STAG1: variants seen among roughly 807,000 people sequenced by gnomAD.
STAG1 encodes the protein STAG1 cohesin complex component.
STAG1 carries 26 observed loss-of-function variants against 170.9 expected under a neutral mutation model. The observed-to-expected ratio is 0.15, with a 90% CI of 0.11 to 0.21. STAG1 has a LOEUF of 0.21. STAG1 is among the 10% of genes least tolerant of loss of function. STAG1 has a pLI of 1.00. For missense variants in STAG1, 964 were observed against 1,509.5 expected, an observed-to-expected ratio of 0.64 and a Z score of 5.99; for synonymous variants, 514 against 497.7, an observed-to-expected ratio of 1.03 and a Z score of -0.44.
At chr3:136,435,156 C>T (rs1327955985) in intron 15 of STAG1, among the ~76,000 whole-genome samples, 1 of 152,182 alleles carries the variant, frequency 6.6e-6, no homozygotes, top group Non-Finnish European at 1.5e-5. Flanking sequence ...TTTCCCTTAT[C>T]TAGCCCTTTT....
intron 28 of STAG1, among the ~76,000 whole-genome samples, chr3:136,354,605 A>G (rs1936559445): frequency 6.6e-6 from 1 of 152,110 alleles, no homozygotes; most frequent in South Asian, 2.1e-4. Context: ...CTCGGCCAGT[A>G]AATTTTGATA....
intron 5 of STAG1, among the ~76,000 whole-genome samples, chr3:136,559,970 C>T (rs924892607): frequency 6.6e-6 from 1 of 152,028 alleles, no homozygotes; most frequent in Admixed American, 6.6e-5. Context: ...GTTGTGAGGA[C>T]CTAAATAAAT....
intron 23 of STAG1, 38 bp downstream of exon 23, chr3:136,377,622 G>A (rs1304393026): frequency 6.5e-7 from 1 of 1,529,660 alleles, no homozygotes; most frequent in African/African-American, 1.4e-5. Context: ...ATGTATTTGA[G>A]TTGATTTTAT....
At position 136,479,657 on chromosome 3, in the gene STAG1, A is replaced by T. The variant is rs1314777337; in HGVS notation, c.903-2245T>A. ...AGATCCCTGAGGAATCGCCACACTGACTTCCACAATGGTTGAACTAGTTTA... is the reference window on the plus strand; with the variant it reads ...AGATCCCTGAGGAATCGCCACACTGTCTTCCACAATGGTTGAACTAGTTTA... On this transcript the variant is annotated intron_variant, in intron 9 of 33. Transcript: ENST00000383202. 4.2e-5 allele frequency among the ~76,000 whole-genome samples: 2 copies of T among 48,046 alleles called. 1 individual carries two copies. The highest frequency in any genetic ancestry group is 1.3e-4 in the African/African-American group (2 of 15,034). 31.5% of individuals were successfully genotyped at this position (48,046 alleles called of 152,430 possible).
chr3:136,510,300 T>G (rs911125374), intron 7 of STAG1, among the ~76,000 whole-genome samples: 1 of 152,212 alleles, frequency 6.6e-6, no homozygotes, highest in Non-Finnish European at 1.5e-5. Flanking sequence ...TTATTTTTCT[T>G]ATTTTTTGAG....
intron 1 of STAG1, among the ~76,000 whole-genome samples, chr3:136,715,624 A>AC (rs1943520406): frequency 1.3e-5 from 2 of 152,106 alleles, no homozygotes; most frequent in Non-Finnish European, 2.9e-5. Context: ...ATTTCAAAAA[A>AC]GAAAAAAATT....
intron 22 of STAG1, among the ~76,000 whole-genome samples, chr3:136,385,033 A>T (rs887646662): frequency 6.6e-6 from 1 of 152,212 alleles, no homozygotes; most frequent in Non-Finnish European, 1.5e-5. Flanking sequence ...AATCTATGCT[A>T]CTTTATCTAC....
intron 2 of STAG1, among the ~76,000 whole-genome samples, chr3:136,628,274 A>G (rs1472819108): frequency 6.6e-6 from 1 of 152,178 alleles, no homozygotes; most frequent in Non-Finnish European, 1.5e-5. Context: ...CCATGAGTCA[A>G]CTAAATCTCT....
At chr3:136,735,650 T>C (rs910715187) in intron 1 of STAG1, among the ~76,000 whole-genome samples, 56 of 151,976 alleles carry the variant, frequency 3.7e-4, no homozygotes, top group Non-Finnish European at 1.3e-4. Flanking sequence ...TTCACTTTTG[T>C]CTTCCAGACT....
At chr3:136,593,440 T>G (rs1024863489) in intron 4 of STAG1, among the ~76,000 whole-genome samples, 1 of 152,126 alleles carries the variant, frequency 6.6e-6, no homozygotes, top group African/African-American at 2.4e-5. Flanking sequence ...AGACCTAGAG[T>G]TGGCTGCCTC....
At chr3:136,671,640 T>C (rs536238674) in intron 1 of STAG1, among the ~76,000 whole-genome samples, 2 of 152,306 alleles carry the variant, frequency 1.3e-5, no homozygotes, top group South Asian at 2.1e-4. Flanking sequence ...CACACACCTG[T>C]AATCCCAGCA....
intron 1 of STAG1, among the ~76,000 whole-genome samples, chr3:136,733,698 C>A (rs73863952): frequency 0.095 from 14,420 of 152,194 alleles, 2,218 homozygotes; most frequent in African/African-American, 0.33. Flanking sequence ...CTGTAACTAG[C>A]AGCACATGGC....
intron 1 of STAG1, among the ~76,000 whole-genome samples, chr3:136,695,725 A>G (rs1942866133): frequency 6.6e-6 from 1 of 152,180 alleles, no homozygotes; most frequent in South Asian, 2.1e-4. Flanking sequence ...GAGGAAAAAG[A>G]TCCCTCAAAA....
chr3:136,525,539 A>C (rs969527283), intron 6 of STAG1, among the ~76,000 whole-genome samples: 1 of 152,070 alleles, frequency 6.6e-6, no homozygotes, highest in Admixed American at 6.6e-5. Flanking sequence ...ATCTTTTCAA[A>C]AAACCAGCTC....
chr3:136,539,994 A>T (rs1023412729), intron 6 of STAG1, among the ~76,000 whole-genome samples: 4 of 152,148 alleles, frequency 2.6e-5, no homozygotes, highest in Non-Finnish European at 5.9e-5. Flanking sequence ...ACATTGTTCT[A>T]GATTCTTGGG....
At chr3:136,520,075 A>G (rs1309135581) in intron 7 of STAG1, among the ~76,000 whole-genome samples, 2 of 152,094 alleles carry the variant, frequency 1.3e-5, no homozygotes, top group Non-Finnish European at 2.9e-5. Context: ...GAGAATTGGG[A>G]AAAAAAGAAT....
At chr3:136,416,094 A>T (rs1331737094) in intron 21 of STAG1, among the ~76,000 whole-genome samples, 1 of 151,774 alleles carries the variant, frequency 6.6e-6, no homozygotes, top group Non-Finnish European at 1.5e-5. Flanking sequence ...TGCAACCTCT[A>T]CCTACTGGGT....
chr3:136,458,121 CTG>C (rs1196918408), intron 13 of STAG1, among the ~76,000 whole-genome samples: 9 of 152,128 alleles, frequency 5.9e-5, no homozygotes, highest in South Asian at 2.1e-4. Flanking sequence ...TTAAAATAAA[CTG>C]TATTTTTTTC....
rs140311530 is a variant in STAG1 at position 136,668,234 on chromosome 3, A to AAT, written c.-83-37255_-83-37254dup. ...GAGGCAACAGAGTGAGACTGTCTCA[A>AAT]ATATATATATATATAAAACACATTA... On this transcript the variant is annotated intron_variant, in intron 1 of 33. Transcript: ENST00000383202. Among the ~76,000 whole-genome samples, 417 of 147,766 alleles carry AAT rather than the reference A, an allele frequency of 2.8e-3. 2 individuals are homozygous for AAT. The highest frequency in any genetic ancestry group is 0.012 in the East Asian group (62 of 5,110).
Sources: allele counts gnomAD v4.1 joint callset (sites outside exome capture counted in the v4.1 genomes callset), GRCh38; gene constraint gnomAD v4.1.1; transcripts MANE v1.5; gene names NCBI Gene and HGNC (gene_info 2026-07-23, HGNC 2026-07-21).